TMPRSS7: variants seen among roughly 807,000 people sequenced by gnomAD.
TMPRSS7 encodes the protein transmembrane serine protease 7.
Under a neutral mutation model 95.6 loss-of-function variants are expected in TMPRSS7, and 81 were observed. The observed-to-expected ratio is 0.85, with a 90% CI of 0.71 to 1.02. TMPRSS7 has a LOEUF of 1.02. Among genes scored for constraint, TMPRSS7 ranks in the 50% least tolerant of loss-of-function variants. TMPRSS7 has a pLI of 0.00. For synonymous variants in TMPRSS7, 364 were observed against 337.8 expected (o/e 1.08, Z -0.85); for missense variants, 945 against 955.2 (o/e 0.99, Z 0.14).
At chr3:112,050,093 A>C in intron 8 of TMPRSS7, 119 bp downstream of exon 8, 1 of 989,654 alleles carries the variant, frequency 1.0e-6, no homozygotes, top group South Asian at 3.2e-5. Context: ...ACTCTGAATA[A>C]AGGTCCAGTC....
intron 9 of TMPRSS7, among the ~76,000 whole-genome samples, chr3:112,053,220 A>C (rs2073384964): frequency 6.6e-6 from 1 of 151,466 alleles, no homozygotes; most frequent in Admixed American, 6.6e-5. Flanking sequence ...TAACAAAAAT[A>C]TTGACTCGTT....
chr3:112,080,882 T>C, intron 17 of TMPRSS7, 32 bp from the exon 18 acceptor site: 1 of 1,586,882 alleles, frequency 6.3e-7, no homozygotes, highest in Non-Finnish European at 8.6e-7. Context: ...TGGGACCAAT[T>C]TACTTTATAC....
exon 17 of TMPRSS7, chr3:112,078,823 T>A (rs1163038988): frequency 1.9e-6 from 3 of 1,614,070 alleles, no homozygotes; most frequent in Non-Finnish European, 2.5e-6. Context: ...TACGGGATCA[T>A]CACTTCTCGG....
rs558597001 is a variant in TMPRSS7 at position 112,045,738 on chromosome 3, T to A, written c.498-12T>A. On this transcript the variant is annotated splice_polypyrimidine_tract_variant and intron_variant, in intron 4 of 17. Transcript: ENST00000452346. The stretch of plus-strand genomic sequence containing the variant: ...TATGAGGTCCCTGATGATCTCTCTT[T>A]TTTCGTTATAGCAGCAACAACAAAG... 5 of 1,540,770 alleles carry A rather than the reference T, an allele frequency of 3.2e-6. No individual in the cohort carries two copies. In the African/African-American group the frequency reaches 4.1e-5, roughly 13 times the overall value.
intron 2 of TMPRSS7, among the ~76,000 whole-genome samples, chr3:112,040,976 A>G (rs946329675): frequency 2.6e-5 from 4 of 151,650 alleles, no homozygotes; most frequent in African/African-American, 9.7e-5. Flanking sequence ...TCTTTCTTAC[A>G]TGGTTATTGT....
intron 11 of TMPRSS7, among the ~76,000 whole-genome samples, chr3:112,062,745 G>T (rs1284167421): frequency 6.6e-6 from 1 of 152,134 alleles, no homozygotes; most frequent in Non-Finnish European, 1.5e-5. Flanking sequence ...CTATTTTCCA[G>T]CTTCTCATCC....
At chr3:112,061,016 A>G (rs1377225020) in intron 10 of TMPRSS7, among the ~76,000 whole-genome samples, 1 of 152,104 alleles carries the variant, frequency 6.6e-6, no homozygotes, top group African/African-American at 2.4e-5. Flanking sequence ...CTGACTTCCC[A>G]CAACAATTAC....
chr3:112,048,102 C>T (rs2073302247), intron 7 of TMPRSS7, 135 bp downstream of exon 7: 1 of 719,202 alleles, frequency 1.4e-6, no homozygotes, highest in East Asian at 2.7e-5. Flanking sequence ...CTGACCCGTG[C>T]CCTATTTAGT....
chr3:112,055,034 CCGG>C (rs2073415440), intron 9 of TMPRSS7, among the ~76,000 whole-genome samples: 2 of 151,996 alleles, frequency 1.3e-5, no homozygotes, highest in African/African-American at 4.8e-5. Flanking sequence ...GCCACTGCAC[CCGG>C]CCAGTTTACA....
chr3:112,071,617 G>T (rs141063362), intron 13 of TMPRSS7, among the ~76,000 whole-genome samples: 1 of 152,046 alleles, frequency 6.6e-6, no homozygotes, highest in African/African-American at 2.4e-5. Flanking sequence ...TCACATAGTC[G>T]CATATTTCTT....
chr3:112,073,087 G>A (rs1283846927), intron 13 of TMPRSS7, among the ~76,000 whole-genome samples: 2 of 142,674 alleles, frequency 1.4e-5, no homozygotes, highest in African/African-American at 2.7e-5. Flanking sequence ...GTTGTTTCCT[G>A]ACTTTTTTTT....
intron 13 of TMPRSS7, among the ~76,000 whole-genome samples, chr3:112,068,775 C>A (rs545438969): frequency 1.3e-3 from 203 of 152,230 alleles, no homozygotes; most frequent in Non-Finnish European, 1.2e-3. Context: ...CAAATAGGGG[C>A]AATTTGACTT....
intron 13 of TMPRSS7, among the ~76,000 whole-genome samples, chr3:112,071,659 T>C (rs977355284): frequency 6.6e-6 from 1 of 152,222 alleles, no homozygotes; most frequent in African/African-American, 2.4e-5. Flanking sequence ...TTACTCTTTC[T>C]TCTCTAAACT....
chr3:112,067,018 C>T (rs531122504), intron 13 of TMPRSS7, among the ~76,000 whole-genome samples: 2 of 152,188 alleles, frequency 1.3e-5, no homozygotes, highest in South Asian at 4.2e-4. Flanking sequence ...TGTGATGTTC[C>T]CCACCCTGTG....
intron 13 of TMPRSS7, among the ~76,000 whole-genome samples, chr3:112,073,392 C>T (rs1051121734): frequency 7.9e-5 from 12 of 152,304 alleles, no homozygotes; most frequent in East Asian, 1.9e-4. Context: ...CCTGTAATTA[C>T]GCGCCTGGCC....
chr3:112,057,012 T>G lies in TMPRSS7; in HGVS notation c.1204-13T>G, dbSNP rs1212941732. The G allele has an allele frequency of 1.2e-5, 18 of 1,561,376 alleles. No homozygotes were observed. Among genetic ancestry groups the G allele is most frequent in the Non-Finnish European group, 1.4e-5 (16 of 1,139,786 alleles). ...TGAAGCATTTTTTTCTGACTTAATG[T>G]TTATTTTCACAGACTTCTCTATCAA... On this transcript the variant is annotated splice_polypyrimidine_tract_variant and intron_variant, in intron 9 of 17. Transcript: ENST00000452346.
intron 13 of TMPRSS7, among the ~76,000 whole-genome samples, chr3:112,069,612 T>C (rs552014029): frequency 2.0e-5 from 3 of 152,374 alleles, no homozygotes; most frequent in East Asian, 3.8e-4. Context: ...TTTATTTGCA[T>C]AGAGGTGTTT....
At chr3:112,075,631 G>A in intron 15 of TMPRSS7, 139 bp downstream of exon 15, 1 of 704,082 alleles carries the variant, frequency 1.4e-6, no homozygotes, top group Non-Finnish European at 2.1e-6. Context: ...GATCCCACGT[G>A]TGTGACAAAC....
rs2107738533 is a variant in TMPRSS7, at chr3:112,044,447, G to A, written c.497+125G>A. 4 of 778,722 alleles carry A rather than the reference G, an allele frequency of 5.1e-6. No individual in the cohort carries two copies. The South Asian group carries it at 6.2e-5, about 12-fold the overall frequency. 48.2% of individuals were successfully genotyped at this position (778,722 alleles called of 1,614,324 possible). A position where few individuals can be genotyped will look rare whatever the true frequency, so the allele number is the denominator to read the frequency against. On this transcript the variant is annotated intron_variant, in intron 4 of 17. Transcript: ENST00000452346. ...TTGGAAGTGGTTGGGGATTCATACT[G>A]TATTAGCACAACTAGCGACTCAACT...
Sources: gnomAD v4.1 joint callset for allele counts (sites outside exome capture counted in the v4.1 genomes callset) on GRCh38, gnomAD v4.1.1 for gene constraint, MANE v1.5 for transcripts, NCBI Gene and HGNC (gene_info 2026-07-23, HGNC 2026-07-21) for gene names.